Variants in LYN observed in about 807,000 individuals in gnomAD.
LYN encodes the protein LYN proto-oncogene, Src family tyrosine kinase.
In LYN, 12 loss-of-function variants were observed where a neutral mutation model predicts 65.0. The ratio of observed to expected loss-of-function variants is 0.18; its 90% CI spans 0.12 to 0.30. The LOEUF is 0.30. LYN is among the 10% of genes least tolerant of loss of function. The pLI is 1.00. For missense variants in LYN, 380 were observed against 623.2 expected (o/e 0.61, Z 4.16); for synonymous variants, 222 against 221.2 (o/e 1.00, Z -0.03).
chr8:55,887,361 G>A lies in LYN; in HGVS notation c.-6+7258G>A, dbSNP rs1196822585. ...TTCTGAAATAAAATATTCATATATG[G>A]ACACATCATCTATAAACTGCATTTC... On this transcript the variant is annotated intron_variant, in intron 1 of 12. Coordinates refer to ENST00000519728, the MANE Select transcript of LYN (RefSeq NM_002350.4). Among the ~76,000 whole-genome samples the A allele has an allele frequency of 2.0e-5, 3 of 151,882 alleles. No individual in the cohort carries two copies. The East Asian group carries it at 5.8e-4, about 29-fold the overall frequency.
chr8:56,010,116 AG>A lies in LYN; in HGVS notation c.*9del. ...AATACCAGCAGCAGCCTTAGAGCAC[AG>A]GGAGACCCGTCCATTTGGCAGGGGT... On this transcript the variant is annotated 3_prime_UTR_variant, in exon 13 of 13. Transcript: ENST00000519728. The A allele has an allele frequency of 6.2e-7, 1 of 1,614,036 alleles. No individual in the cohort carries two copies. The highest frequency in any genetic ancestry group is 8.5e-7 in the Non-Finnish European group (1 of 1,179,894).
chr8:55,888,642 C>A (rs13282655), intron 1 of LYN, among the ~76,000 whole-genome samples: 73,947 of 152,042 alleles, frequency 0.49, 18,258 homozygotes, highest in East Asian at 0.68. Context: ...CAATAGGCTT[C>A]AGCTTGTAAT....
chr8:55,970,327 G>C (rs147442160), intron 10 of LYN, among the ~76,000 whole-genome samples: 29 of 152,286 alleles, frequency 1.9e-4, no homozygotes, highest in East Asian at 1.2e-3. Context: ...GGAGTTGCCT[G>C]TTTATTTACT....
intron 9 of LYN, among the ~76,000 whole-genome samples, chr8:55,969,016 C>T (rs1585650736): frequency 6.6e-6 from 1 of 152,200 alleles, no homozygotes; most frequent in East Asian, 1.9e-4. Flanking sequence ...CGTGGTGGCT[C>T]ACACCTATAA....
intron 1 of LYN, among the ~76,000 whole-genome samples, chr8:55,921,127 A>G (rs887896624): frequency 6.6e-6 from 1 of 152,270 alleles, no homozygotes; most frequent in Admixed American, 6.5e-5. Flanking sequence ...TTGGGAGTTA[A>G]CATTTATTAA....
chr8:55,969,912 A>G (rs1027986), intron 10 of LYN, 119 bp downstream of exon 10: 356,423 of 854,800 alleles, frequency 0.42, 77,681 homozygotes, highest in Middle Eastern at 0.54. Flanking sequence ...TCCCAGCAGC[A>G]GTTATGAGAA....
intron 10 of LYN, among the ~76,000 whole-genome samples, chr8:55,979,486 G>A (rs1036042358): frequency 5.9e-5 from 9 of 152,070 alleles, no homozygotes; most frequent in African/African-American, 1.4e-4. Flanking sequence ...GCCTACCCTC[G>A]GAGCACGTGC....
At chr8:55,996,492 C>T (rs966800723) in intron 10 of LYN, among the ~76,000 whole-genome samples, 2 of 152,210 alleles carry the variant, frequency 1.3e-5, no homozygotes, top group Non-Finnish European at 2.9e-5. Flanking sequence ...TCAGAGTTTT[C>T]TCTAACTGCT....
At chr8:55,993,867 A>G (rs1332083327) in intron 10 of LYN, among the ~76,000 whole-genome samples, 1 of 152,238 alleles carries the variant, frequency 6.6e-6, no homozygotes, top group Non-Finnish European at 1.5e-5. Flanking sequence ...AACTCCATGT[A>G]ACTCCCACAG....
intron 1 of LYN, among the ~76,000 whole-genome samples, chr8:55,900,120 G>A (rs1172538062): frequency 6.6e-6 from 1 of 152,148 alleles, no homozygotes; most frequent in Non-Finnish European, 1.5e-5. Flanking sequence ...CTGAAAACCA[G>A]TCAGCAAGGC....
At chr8:55,988,651 G>T (rs1248209009) in intron 10 of LYN, among the ~76,000 whole-genome samples, 1 of 151,974 alleles carries the variant, frequency 6.6e-6, no homozygotes, top group East Asian at 1.9e-4. Context: ...CTTTTTGACA[G>T]GTTTCTCATT....
chr8:55,893,938 C>G (rs1275150756), intron 1 of LYN: 2 of 152,268 alleles, frequency 1.3e-5, no homozygotes, highest in African/African-American at 4.8e-5. Flanking sequence ...TCTCGAGTAG[C>G]TGGGACTAGA....
chr8:55,927,563 G>T (rs1481130579), intron 1 of LYN, among the ~76,000 whole-genome samples: 2 of 152,138 alleles, frequency 1.3e-5, no homozygotes, highest in East Asian at 1.9e-4. Context: ...GGCCAGGTGC[G>T]GTGGTTCACG....
At chr8:55,939,975 A>C (rs1434561737) in intron 1 of LYN, among the ~76,000 whole-genome samples, 1 of 152,190 alleles carries the variant, frequency 6.6e-6, no homozygotes, top group African/African-American at 2.4e-5. Context: ...TGCTCTTTAG[A>C]GGCTTCATAC....
chr8:55,990,154 G>T (rs183577914), intron 10 of LYN, among the ~76,000 whole-genome samples: 28 of 147,166 alleles, frequency 1.9e-4, no homozygotes, highest in African/African-American at 6.1e-4. Context: ...CAGGAGAATC[G>T]CTTGAACCCA....
At chr8:55,919,342 T>TGTAGAGTTTGTGTAGAGTTTGAGTGAG (rs1805878598) in intron 1 of LYN, among the ~76,000 whole-genome samples, 1 of 152,222 alleles carries the variant, frequency 6.6e-6, no homozygotes, top group South Asian at 2.1e-4. Context: ...GTTCGTACTT[T>TGTAGAGTTTGTGTAGAGTTTGAGTGAG]AAGTTAGTGT....
rs111797259 is a variant in LYN at position 55,934,095 on chromosome 8, G to A, written c.-5-7760G>A. Among the ~76,000 whole-genome samples, 125 of 152,188 alleles carry A rather than the reference G, an allele frequency of 8.2e-4. 3 individuals carry two copies. Among genetic ancestry groups the A allele is most frequent in the African/African-American group, 2.8e-3 (115 of 41,516 alleles). On this transcript the variant is annotated intron_variant, in intron 1 of 12. Coordinates refer to ENST00000519728, the MANE Select transcript of LYN (RefSeq NM_002350.4). ...ACAAAAATTAGCCAGGCATGGTGGCGAGCGCCTGTAGTCCCAGCTACTCAG... is the reference window on the plus strand; with the variant it reads ...ACAAAAATTAGCCAGGCATGGTGGCAAGCGCCTGTAGTCCCAGCTACTCAG...
chr8:55,910,783 C>T (rs1286587096), intron 1 of LYN, among the ~76,000 whole-genome samples: 1 of 152,004 alleles, frequency 6.6e-6, no homozygotes, highest in Non-Finnish European at 1.5e-5. Context: ...TGAAGAGTCC[C>T]TGCTTTCAGC....
At chr8:55,972,023 G>T (rs551488631) in intron 10 of LYN, among the ~76,000 whole-genome samples, 2 of 152,128 alleles carry the variant, frequency 1.3e-5, no homozygotes, top group Admixed American at 6.5e-5. Flanking sequence ...GGCAATCAAG[G>T]TCGGCACCAG....
Sources: gnomAD v4.1 joint callset for allele counts (sites outside exome capture counted in the v4.1 genomes callset) on GRCh38, gnomAD v4.1.1 for gene constraint, MANE v1.5 for transcripts, NCBI Gene and HGNC (gene_info 2026-07-23, HGNC 2026-07-21) for gene names.